The following PPARA variants were observed in gnomAD, a reference collection of about 807,000 sequenced individuals.
PPARA encodes peroxisome proliferator activated receptor alpha.
A neutral mutation model predicts 42.2 loss-of-function variants in PPARA; 22 were observed. That is an observed-to-expected ratio of 0.52 (90% CI 0.37 to 0.74). The LOEUF (loss-of-function observed/expected upper bound fraction) is 0.74, where lower values mean the gene tolerates loss of function less well. Ranked by LOEUF, PPARA falls within the 30% of genes least tolerant of loss-of-function variation. The pLI, the probability that PPARA is intolerant of heterozygous loss-of-function variation, is 0.00. For missense variants in PPARA, 465 were observed against 608.2 expected (o/e 0.76, Z 2.48); for synonymous variants, 242 against 239.3 (o/e 1.01, Z -0.10).
At chr22:46,157,327 C>A (rs931626221) in intron 2 of PPARA, among the ~76,000 whole-genome samples, 4 of 152,170 alleles carry the variant, frequency 2.6e-5, no homozygotes, top group African/African-American at 9.6e-5. Flanking sequence ...GGGGGAGGCA[C>A]CTAAACAGGA....
chr22:46,157,369 C>T (rs935934510), intron 2 of PPARA, among the ~76,000 whole-genome samples: 2 of 152,082 alleles, frequency 1.3e-5, no homozygotes, highest in Non-Finnish European at 2.9e-5. Flanking sequence ...GATGATGGCC[C>T]GCTCCATCCC....
chr22:46,233,580 G>A lies in PPARA; in HGVS notation c.1159+1341G>A, dbSNP rs1008197438. On this transcript the variant is annotated intron_variant, in intron 8 of 8. Coordinates refer to ENST00000407236, the MANE Select transcript of PPARA (RefSeq NM_005036.6). This position sits in a 1 kb window ranked among gnomAD's most constrained non-coding sequence, Gnocchi z 7.3. ...AGATGAAGGAAGTCCTTGCGCTCTG[G>A]CATAAAGTGTACAAAGACAAAGCAG... 2.6e-5 allele frequency among the ~76,000 whole-genome samples: 4 copies of A among 152,214 alleles called. No homozygotes were observed. The highest frequency in any genetic ancestry group is 9.7e-5 in the African/African-American group (4 of 41,448).
rs757160487 is a variant in PPARA at position 46,216,017 on chromosome 22, T to C, written c.369+684T>C. On this transcript the variant is annotated intron_variant, in intron 5 of 8. Transcript: ENST00000407236. This position sits in a 1 kb window ranked among gnomAD's most constrained non-coding sequence, Gnocchi z 4.5. ...GGCAAAAAGGTTGGGGATTGCTGCT[T>C]TAGAGAGTCTAGGACAAATGGTTCC... Among the ~76,000 whole-genome samples, 3 of 152,184 alleles carry C rather than the reference T, an allele frequency of 2.0e-5. No individual in the cohort carries two copies. The highest frequency in any genetic ancestry group is 2.9e-5 in the Non-Finnish European group (2 of 68,032).
intron 2 of PPARA, among the ~76,000 whole-genome samples, chr22:46,157,363 A>C (rs1228174091): frequency 6.6e-6 from 1 of 152,136 alleles, no homozygotes; most frequent in African/African-American, 2.4e-5. Context: ...CCTACGGATG[A>C]TGGCCCGCTC....
At position 46,222,701 on chromosome 22, in the gene PPARA, G is replaced by A. The variant is rs1288992213; in HGVS notation, c.711+2687G>A. ...GGATGGCTAAAACTTTTGTTTGCCA[G>A]CTTATATTTCTCCCTTGGATTTCAG... On this transcript the variant is annotated intron_variant, in intron 7 of 8. Coordinates refer to ENST00000407236, the MANE Select transcript of PPARA (RefSeq NM_005036.6). The surrounding 1 kb of genome is among the most constrained non-coding windows in gnomAD (Gnocchi z 5.9). Among the ~76,000 whole-genome samples, 2 of 152,176 alleles carry A rather than the reference G, an allele frequency of 1.3e-5. No homozygotes were observed. Among genetic ancestry groups the A allele is most frequent in the Non-Finnish European group, 2.9e-5 (2 of 68,030 alleles).
At chr22:46,189,077 T>G (rs376297404) in intron 3 of PPARA, among the ~76,000 whole-genome samples, 3 of 152,188 alleles carry the variant, frequency 2.0e-5, no homozygotes, top group East Asian at 3.8e-4. Flanking sequence ...AGCTCTTGAG[T>G]GGTGAATACA....
intron 7 of PPARA, among the ~76,000 whole-genome samples, chr22:46,228,961 G>T (rs1043746805): frequency 6.6e-6 from 1 of 151,726 alleles, no homozygotes; most frequent in Non-Finnish European, 1.5e-5. Flanking sequence ...AAAAAAATGA[G>T]CTGGGCATGG....
At position 46,219,777 on chromosome 22, in the gene PPARA, C is replaced by T. The variant is rs752010897; in HGVS notation, c.509-35C>T. 8 of 1,605,680 alleles carry T rather than the reference C, an allele frequency of 5.0e-6. No individual in the cohort carries two copies. Among genetic ancestry groups the T allele is most frequent in the Non-Finnish European group, 6.8e-6 (8 of 1,172,526 alleles). ...CCCTGTCCGCGCAGTCATGACCTCA[C>T]TGCTCATGCCTGTGTTTCCCCCTCC... On this transcript the variant is annotated intron_variant, in intron 6 of 8. Transcript: ENST00000407236. The surrounding 1 kb of genome is among the most constrained non-coding windows in gnomAD (Gnocchi z 4.8).
rs893964588 is a variant in PPARA at position 46,203,846 on chromosome 22, G to A, written c.208+5255G>A. 6.6e-6 allele frequency among the ~76,000 whole-genome samples: 1 copy of A among 151,534 alleles called. No homozygotes were observed. Among genetic ancestry groups the A allele is most frequent in the African/African-American group, 2.4e-5 (1 of 41,234 alleles). ...GTCCAGACAAGGGAACCCTGGGCAG[G>A]TTCCCTCATCTACACAAAAGCACCT... On this transcript the variant is annotated intron_variant, in intron 4 of 8. Coordinates refer to ENST00000407236, the MANE Select transcript of PPARA (RefSeq NM_005036.6). This position sits in a 1 kb window ranked among gnomAD's most constrained non-coding sequence, Gnocchi z 5.8.
rs1315678770 is a variant in PPARA at position 46,225,989 on chromosome 22, GCATACACACACATA to G, written c.712-5800_712-5787del. Among the ~76,000 whole-genome samples the G allele has an allele frequency of 7.9e-6, 1 of 127,244 alleles. No homozygotes were observed. Among genetic ancestry groups the G allele is most frequent in the Non-Finnish European group, 1.5e-5 (1 of 65,136 alleles). 83.5% of individuals were successfully genotyped at this position (127,244 alleles called of 152,430 possible). ...CATTCACCCATACAGTCACACACAT[GCATACACACACATA>G]CAAACACATGCATTCACACAGATGC... On this transcript the variant is annotated intron_variant, in intron 7 of 8. Coordinates refer to ENST00000407236, the MANE Select transcript of PPARA (RefSeq NM_005036.6). The surrounding 1 kb of genome is among the most constrained non-coding windows in gnomAD (Gnocchi z 4.1).
chr22:46,154,360 A>G (rs888130386), intron 2 of PPARA, among the ~76,000 whole-genome samples: 2 of 152,118 alleles, frequency 1.3e-5, no homozygotes, highest in African/African-American at 4.8e-5. Flanking sequence ...GCTCACGCCT[A>G]TGGTTTCAGC....
chr22:46,174,248 A>AGG (rs1250341470), intron 2 of PPARA, among the ~76,000 whole-genome samples: 10 of 132,520 alleles, frequency 7.5e-5, no homozygotes, highest in African/African-American at 3.0e-4. Flanking sequence ...GAAAGAAAGA[A>AGG]AGAAGGAAGG....
chr22:46,215,252 A>C lies in PPARA; in HGVS notation c.288A>C (p.Gly96=). 1 of 1,614,050 alleles carries C rather than the reference A, an allele frequency of 6.2e-7. No individual in the cohort carries two copies. Among genetic ancestry groups the C allele is most frequent in the Non-Finnish European group, 8.5e-7 (1 of 1,180,004 alleles). ...GCAGCGTGGACGAGTCTCCCAGTGG[A>C]GCATTGAACATCGAATGTAGAATCT... ...VPGSVDESPS[G]ALNIECRICG... The change falls in exon 5 of 9, where the codon GGA becomes GGC. Residue 96 remains glycine (G), a synonymous_variant. Coordinates refer to ENST00000407236, the MANE Select transcript of PPARA (RefSeq NM_005036.6).
rs1569207834 is a variant in PPARA at position 46,185,946 on chromosome 22, T to A, written c.-43+9110T>A. Among the ~76,000 whole-genome samples the A allele has an allele frequency of 2.6e-4, 14 of 53,066 alleles. 1 individual carries two copies. The highest frequency in any genetic ancestry group is 3.9e-4 in the African/African-American group (6 of 15,554). 34.8% of individuals were successfully genotyped at this position (53,066 alleles called of 152,430 possible). A position where few individuals can be genotyped will look rare whatever the true frequency, so the allele number is the denominator to read the frequency against. On this transcript the variant is annotated intron_variant, in intron 3 of 8. Coordinates refer to ENST00000407236, the MANE Select transcript of PPARA (RefSeq NM_005036.6). The stretch of plus-strand genomic sequence containing the variant: ...ATATATATATATATATATATATATA[T>A]ATATATATATATATATATACACACA...
At chr22:46,177,438 T>C (rs1417107477) in intron 3 of PPARA, among the ~76,000 whole-genome samples, 1 of 139,214 alleles carries the variant, frequency 7.2e-6, no homozygotes, top group Non-Finnish European at 1.5e-5. Flanking sequence ...CACTCCAGCC[T>C]GGGCAACAGA....
At chr22:46,175,583 G>A (rs888712425) in intron 2 of PPARA, among the ~76,000 whole-genome samples, 3 of 151,862 alleles carry the variant, frequency 2.0e-5, no homozygotes, top group African/African-American at 4.8e-5. Context: ...GCGTGGTGGC[G>A]GGCGCCTGTA....
rs913074370 is a variant in PPARA, at chr22:46,173,406, G to T, written c.-126-3347G>T. ...AGCCTATTTAAGCACCCAGCTTCAG[G>T]ATGGGACATGGGATATACCTCGAGT... On this transcript the variant is annotated intron_variant, in intron 2 of 8. Transcript: ENST00000407236. The surrounding 1 kb of genome is among the most constrained non-coding windows in gnomAD (Gnocchi z 4.3). 6.6e-6 allele frequency among the ~76,000 whole-genome samples: 1 copy of T among 152,210 alleles called. No homozygotes were observed. The highest frequency in any genetic ancestry group is 1.5e-5 in the Non-Finnish European group (1 of 68,042).
intron 4 of PPARA, among the ~76,000 whole-genome samples, chr22:46,210,351 A>C (rs1476050213): frequency 2.0e-5 from 3 of 149,334 alleles, no homozygotes; most frequent in African/African-American, 7.4e-5. Flanking sequence ...AATTTCTATC[A>C]TCTGTGTCAC....
chr22:46,231,263 G>T lies in PPARA; in HGVS notation c.712-529G>T, dbSNP rs987767718. ...AGACGGAGTCTCGCTCTGTCACCCA[G>T]GCTGGAGTGCAGTGGCGCAATGTCG... On this transcript the variant is annotated intron_variant, in intron 7 of 8. Transcript: ENST00000407236. The surrounding 1 kb of genome is among the most constrained non-coding windows in gnomAD (Gnocchi z 7.7). Among the ~76,000 whole-genome samples the T allele has an allele frequency of 1.3e-5, 2 of 150,348 alleles. No individual in the cohort carries two copies. The highest frequency in any genetic ancestry group is 4.9e-5 in the African/African-American group (2 of 40,764).
Sources: allele counts gnomAD v4.1 joint callset (sites outside exome capture counted in the v4.1 genomes callset), GRCh38; gene constraint gnomAD v4.1.1; non-coding constraint Gnocchi (gnomAD v3.1); transcripts MANE v1.5; gene names NCBI Gene and HGNC (gene_info 2026-07-23, HGNC 2026-07-21).